Variants in SYNDIG1 observed in about 807,000 individuals in gnomAD.
SYNDIG1 encodes the protein synapse differentiation-inducing gene protein 1.
In SYNDIG1, 9 loss-of-function variants were observed where a neutral mutation model predicts 19.4. The ratio of observed to expected loss-of-function variants is 0.46; its 90% CI spans 0.28 to 0.81. The LOEUF (loss-of-function observed/expected upper bound fraction) is 0.81, where lower values mean the gene tolerates loss of function less well. Ranked by LOEUF, SYNDIG1 falls within the 30% of genes least tolerant of loss-of-function variation. The pLI is 0.12. For synonymous variants in SYNDIG1, 141 were observed against 145.9 expected (o/e 0.97, Z 0.24); for missense variants, 311 against 343.3 (o/e 0.91, Z 0.74).
At chr20:24,634,007 T>C (rs932985702) in intron 3 of SYNDIG1, among the ~76,000 whole-genome samples, 40 of 152,334 alleles carry the variant, frequency 2.6e-4, no homozygotes, top group African/African-American at 9.1e-4. Flanking sequence ...GATTTGTTTA[T>C]TCATTGTCTT....
chr20:24,528,631 C>T (rs537084691), intron 1 of SYNDIG1, among the ~76,000 whole-genome samples: 2 of 152,302 alleles, frequency 1.3e-5, no homozygotes, highest in African/African-American at 4.8e-5. Context: ...CCCTTTTGTA[C>T]AGGCACTAAT....
At chr20:24,477,945 G>C (rs546963234) in intron 1 of SYNDIG1, among the ~76,000 whole-genome samples, 28 of 152,326 alleles carry the variant, frequency 1.8e-4, no homozygotes, top group Non-Finnish European at 3.1e-4. Context: ...CACAGACGTG[G>C]GCTTCCAGCA....
intron 2 of SYNDIG1, among the ~76,000 whole-genome samples, chr20:24,562,828 A>C (rs79201288): frequency 0.033 from 5,025 of 152,264 alleles, 247 homozygotes; most frequent in African/African-American, 0.11. Flanking sequence ...CAATGGTCAA[A>C]GAATTGTAAT....
In SYNDIG1 at chr20:24,580,581, AT is replaced by A. The variant is rs1023311235; in HGVS notation, c.481-4268del. 1.6e-4 allele frequency among the ~76,000 whole-genome samples: 24 copies of A among 151,902 alleles called. 1 individual carries two copies. Among genetic ancestry groups the A allele is most frequent in the Non-Finnish European group, 1.5e-5 (1 of 67,958 alleles). On this transcript the variant is annotated intron_variant, in intron 2 of 3. Coordinates refer to ENST00000376862, the MANE Select transcript of SYNDIG1 (RefSeq NM_024893.3). ...TGCACCACGAAGCTCAGCTATTTAT[AT>A]TTTTTTAGTAGAGACAGGGTTTCAC...
chr20:24,547,140 G>T (rs1411634695), intron 2 of SYNDIG1, among the ~76,000 whole-genome samples: 1 of 152,004 alleles, frequency 6.6e-6, no homozygotes, highest in Non-Finnish European at 1.5e-5. Flanking sequence ...CCCCCTCATT[G>T]CCCTGGTTCA....
intron 1 of SYNDIG1, among the ~76,000 whole-genome samples, chr20:24,474,243 T>C (rs2055553289): frequency 6.6e-6 from 1 of 152,242 alleles, no homozygotes; most frequent in Admixed American, 6.5e-5. Context: ...ACCCTCCATT[T>C]ATAATATGTG....
At chr20:24,544,917 T>C (rs1051188731) in intron 2 of SYNDIG1, among the ~76,000 whole-genome samples, 5 of 152,012 alleles carry the variant, frequency 3.3e-5, no homozygotes, top group Non-Finnish European at 5.9e-5. Flanking sequence ...TGTGGGACCA[T>C]CTTTAGCAGG....
At chr20:24,601,802 A>G (rs1298510644) in intron 3 of SYNDIG1, among the ~76,000 whole-genome samples, 2 of 152,158 alleles carry the variant, frequency 1.3e-5, no homozygotes, top group Non-Finnish European at 2.9e-5. Flanking sequence ...CCTTCTGCCT[A>G]AAGAACATCC....
rs141731129 is a variant in SYNDIG1 at position 24,645,971 on chromosome 20, G to A, written c.619-19375G>A. 7.0e-4 allele frequency among the ~76,000 whole-genome samples: 107 copies of A among 152,250 alleles called. 1 individual carries two copies. The highest frequency in any genetic ancestry group is 2.3e-3 in the African/African-American group (94 of 41,534). On this transcript the variant is annotated intron_variant, in intron 3 of 3. Coordinates refer to ENST00000376862, the MANE Select transcript of SYNDIG1 (RefSeq NM_024893.3). ...GATAGAAGCCAAGCTTGTGCTTCCCGTGGGAATGTGATCATGTAACCTTGT... is the reference window on the plus strand; with the variant it reads ...GATAGAAGCCAAGCTTGTGCTTCCCATGGGAATGTGATCATGTAACCTTGT...
intron 3 of SYNDIG1, among the ~76,000 whole-genome samples, chr20:24,589,984 C>A (rs2058480351): frequency 6.6e-6 from 1 of 152,230 alleles, no homozygotes; most frequent in South Asian, 2.1e-4. Context: ...ACAGAGCAAA[C>A]CAAATCCCGC....
chr20:24,542,921 A>G (rs757684524), intron 1 of SYNDIG1, 99 bp from the exon 2 acceptor site: 18 of 891,086 alleles, frequency 2.0e-5, no homozygotes, highest in Non-Finnish European at 2.5e-5. Flanking sequence ...CTATGCGTTT[A>G]TCAGCTGGCT....
intron 2 of SYNDIG1, 23 bp downstream of exon 2, chr20:24,543,600 G>T: frequency 6.3e-7 from 1 of 1,593,030 alleles, no homozygotes; most frequent in Non-Finnish European, 8.5e-7. Context: ...GTTTGTCAGA[G>T]GCCCTCTAAG....
chr20:24,571,933 T>A (rs1340223619), intron 2 of SYNDIG1, among the ~76,000 whole-genome samples: 4 of 152,182 alleles, frequency 2.6e-5, no homozygotes, highest in East Asian at 3.9e-4. Flanking sequence ...CCCAAAAAAA[T>A]TATCAAAGAA....
chr20:24,661,299 G>C (rs1483853661), intron 3 of SYNDIG1, among the ~76,000 whole-genome samples: 1 of 146,892 alleles, frequency 6.8e-6, no homozygotes, highest in African/African-American at 2.5e-5. Flanking sequence ...AAGAAAGAAG[G>C]AGGGAGGGAG....
intron 1 of SYNDIG1, among the ~76,000 whole-genome samples, chr20:24,500,849 C>T (rs2056437017): frequency 6.6e-6 from 1 of 152,040 alleles, no homozygotes; most frequent in African/African-American, 2.4e-5. Flanking sequence ...AGATTCATTC[C>T]TCATAAAGCA....
At chr20:24,644,189 A>G (rs922426948) in intron 3 of SYNDIG1, among the ~76,000 whole-genome samples, 1 of 152,218 alleles carries the variant, frequency 6.6e-6, no homozygotes, top group Non-Finnish European at 1.5e-5. Flanking sequence ...TGCTCTATGG[A>G]GTCTCCATGT....
intron 3 of SYNDIG1, among the ~76,000 whole-genome samples, chr20:24,635,974 G>T (rs529921379): frequency 6.6e-6 from 1 of 152,252 alleles, no homozygotes; most frequent in Non-Finnish European, 1.5e-5. Flanking sequence ...TGGAAATTTT[G>T]TAGTTATTGT....
intron 1 of SYNDIG1, among the ~76,000 whole-genome samples, chr20:24,487,446 C>T (rs2055999605): frequency 6.6e-6 from 1 of 152,028 alleles, no homozygotes; most frequent in Non-Finnish European, 1.5e-5. Context: ...CCCTTACAGC[C>T]CCGTGGCCAT....
chr20:24,577,678 C>T (rs112975846), intron 2 of SYNDIG1, among the ~76,000 whole-genome samples: 4,673 of 152,316 alleles, frequency 0.031, 95 homozygotes, highest in Middle Eastern at 0.044. Flanking sequence ...TGTCTTCTGC[C>T]TACAGCTTTC....
Sources: allele counts gnomAD v4.1 joint callset (sites outside exome capture counted in the v4.1 genomes callset), GRCh38; gene constraint gnomAD v4.1.1; transcripts MANE v1.5; gene names NCBI Gene and HGNC (gene_info 2026-07-23, HGNC 2026-07-21).